PCDHA8: variants seen among roughly 807,000 people sequenced by gnomAD.
The protein encoded by PCDHA8 is protocadherin alpha-8.
PCDHA8 carries 53 observed loss-of-function variants against 61.8 expected under a neutral mutation model. The ratio of observed to expected loss-of-function variants is 0.86; its 90% CI spans 0.69 to 1.08. The LOEUF (loss-of-function observed/expected upper bound fraction) is 1.08. Ranked by LOEUF, PCDHA8 falls within the 50% of genes least tolerant of loss-of-function variation. The pLI is 0.00. For synonymous variants in PCDHA8, 618 were observed against 556.6 expected, an observed-to-expected ratio of 1.11 and a Z score of -1.55; for missense variants, 1,293 against 1,245.0, an observed-to-expected ratio of 1.04 and a Z score of -0.58.
chr5:140,990,555 G>C (rs1176257375), intron 3 of PCDHA8, among the ~76,000 whole-genome samples: 1 of 152,130 alleles, frequency 6.6e-6, no homozygotes, highest in African/African-American at 2.4e-5. Context: ...TATTACCCAA[G>C]AACACACACC....
chr5:140,882,852 T>C, intron 1 of PCDHA8: 2 of 1,614,216 alleles, frequency 1.2e-6, no homozygotes, highest in Non-Finnish European at 1.7e-6. Flanking sequence ...TTATCACTTG[T>C]ACTGAGGAAA....
chr5:140,842,755 T>G lies in PCDHA8; in HGVS notation c.1434T>G (p.Ser478=). 1.3e-6 allele frequency: 2 copies of G among 1,594,888 alleles called. No individual in the cohort carries two copies. Among genetic ancestry groups the G allele is most frequent in the South Asian group, 2.2e-5 (2 of 90,474 alleles). The change falls in exon 1 of 4, where the codon TCT becomes TCG. Residue 478 remains serine (S), a synonymous_variant. Coordinates refer to ENST00000531613, the MANE Select transcript of PCDHA8 (RefSeq NM_018911.3). ...NPPGCHIFTV[S]ARDADAQENA... ...CGGGCTGCCACATCTTCACGGTGTCTGCGCGAGACGCGGACGCGCAGGAGA... is the reference window on the plus strand; with the variant it reads ...CGGGCTGCCACATCTTCACGGTGTCGGCGCGAGACGCGGACGCGCAGGAGA...
intron 1 of PCDHA8, among the ~76,000 whole-genome samples, chr5:140,965,867 C>T (rs1267904737): frequency 1.3e-5 from 2 of 152,164 alleles, no homozygotes; most frequent in Non-Finnish European, 2.9e-5. Context: ...AAAATAAGGG[C>T]CACTTGGCCG....
intron 1 of PCDHA8, among the ~76,000 whole-genome samples, chr5:140,950,992 G>A (rs2094539287): frequency 6.6e-6 from 1 of 151,384 alleles, no homozygotes; most frequent in Admixed American, 6.6e-5. Flanking sequence ...GCCTCTTTTA[G>A]CTCCATTTTT....
intron 1 of PCDHA8, among the ~76,000 whole-genome samples, chr5:140,946,305 T>C (rs1484740423): frequency 6.6e-6 from 1 of 151,868 alleles, no homozygotes; most frequent in East Asian, 1.9e-4. Flanking sequence ...CCTGGTAGAA[T>C]GGCTATTATT....
At chr5:141,007,395 C>CAAAAAAAAAAAAAAAAA (rs35800918) in intron 3 of PCDHA8, among the ~76,000 whole-genome samples, 5 of 94,868 alleles carry the variant, frequency 5.3e-5, no homozygotes, top group Non-Finnish European at 8.3e-5. Context: ...TACTAAAATA[C>CAAAAAAAAAAAAAAAAA]AAAAAAAAAA....
At position 140,934,119 on chromosome 5, in the gene PCDHA8, C is replaced by A. The variant is rs1339301991; in HGVS notation, c.2395-44830C>A. Among the ~76,000 whole-genome samples, 6 of 152,170 alleles carry A rather than the reference C, an allele frequency of 3.9e-5. No individual in the cohort carries two copies. In the East Asian group the frequency reaches 1.2e-3, roughly 29 times the overall value. ...GCTTTCTATTTTATTAATTTTCATA[C>A]TTTATTAATTTATTTCCTTCCTTAT... On this transcript the variant is annotated intron_variant, in intron 1 of 3. Transcript: ENST00000531613.
intron 1 of PCDHA8, among the ~76,000 whole-genome samples, chr5:140,963,229 G>A (rs1211084766): frequency 2.6e-5 from 4 of 152,134 alleles, no homozygotes; most frequent in African/African-American, 7.2e-5. Context: ...AGTAGACACT[G>A]TTTGATGGAT....
chr5:140,981,625 C>T (rs1554243036), intron 2 of PCDHA8, among the ~76,000 whole-genome samples: 2 of 152,096 alleles, frequency 1.3e-5, no homozygotes, highest in Non-Finnish European at 2.9e-5. Context: ...TGAGGGTTTT[C>T]TTGGACATTT....
intron 1 of PCDHA8, among the ~76,000 whole-genome samples, chr5:140,891,837 G>T (rs563744812): frequency 2.9e-4 from 44 of 152,264 alleles, no homozygotes; most frequent in Admixed American, 1.9e-3. Flanking sequence ...AAAAGGACTT[G>T]ATGGAAGGAG....
rs1276562311 is a variant in PCDHA8, at chr5:140,851,314, C to T, written c.2394+7599C>T. ...AGCAAAAATATATAGCAATTGTTAC[C>T]TTGTTAAGTTTGTAGTTCTCTACAT... On this transcript the variant is annotated intron_variant, in intron 1 of 3. Transcript: ENST00000531613. The T allele has an allele frequency of 2.6e-5, 26 of 997,988 alleles. 4 individuals carry two copies. Among genetic ancestry groups the T allele is most frequent in the Non-Finnish European group, 2.6e-5 (21 of 813,766 alleles). The allele number at this position is 997,988 out of a possible 1,614,324, so 61.8% of individuals were successfully genotyped here.
In PCDHA8 at chr5:140,964,167, C is replaced by T. The variant is rs370784169; in HGVS notation, c.2395-14782C>T. Reference sequence around the variant, plus strand: ...AGCCTCAGTATAATGGTGTGAGGAACGAAATCATTATAGTGCCAAATAGAG... The same window carrying T: ...AGCCTCAGTATAATGGTGTGAGGAATGAAATCATTATAGTGCCAAATAGAG... On this transcript the variant is annotated intron_variant, in intron 1 of 3. Coordinates refer to ENST00000531613, the MANE Select transcript of PCDHA8 (RefSeq NM_018911.3). Among the ~76,000 whole-genome samples, 16 of 152,250 alleles carry T rather than the reference C, an allele frequency of 1.1e-4. 1 individual carries two copies. The highest frequency in any genetic ancestry group is 3.4e-4 in the African/African-American group (14 of 41,544).
In PCDHA8 at chr5:140,857,002, T is replaced by G. The variant is rs1215860604; in HGVS notation, c.2394+13287T>G. On this transcript the variant is annotated intron_variant, in intron 1 of 3. Transcript: ENST00000531613. ...AGGACAGTAACACTTATGAAATTCATGTAGATGTTACAGATAAGGGAAACC... is the reference window on the plus strand; with the variant it reads ...AGGACAGTAACACTTATGAAATTCAGGTAGATGTTACAGATAAGGGAAACC... 4 of 1,595,276 alleles carry G rather than the reference T, an allele frequency of 2.5e-6. No individual in the cohort carries two copies. In the African/African-American group the frequency reaches 5.4e-5, roughly 22 times the overall value.
chr5:140,869,309 A>T, intron 1 of PCDHA8: 1 of 1,613,682 alleles, frequency 6.2e-7, no homozygotes, highest in Non-Finnish European at 8.5e-7. Context: ...GTGGCGTCCA[A>T]AACACATGGG....
Position 141,009,839 on chromosome 5 carries a change from A to G in PCDHA8, c.2755A>G (p.Lys919Glu), listed in dbSNP as rs2098414795. 6.2e-7 allele frequency: 1 copy of G among 1,614,164 alleles called. No individual in the cohort carries two copies. Residue 919 changes from lysine (K) to glutamate (E), a missense_variant, in exon 4 of 4, where the codon AAG becomes GAG. Coordinates refer to ENST00000531613, the MANE Select transcript of PCDHA8 (RefSeq NM_018911.3). The part of the protein sequence containing the change: ...DKSDFITFGK[K>E]EETKKKKKKK... ...AAGTGACTTCATAACCTTCGGCAAA[A>G]AGGAGGAGACCAAGAAAAAGAAGAA...
At chr5:140,862,330 T>A in intron 1 of PCDHA8, 1 of 326,684 alleles carries the variant, frequency 3.1e-6, no homozygotes, top group Non-Finnish European at 6.0e-6. Flanking sequence ...TCAGTGTAAT[T>A]GACCCTAACT....
At chr5:140,889,479 T>C (rs1399086830) in intron 1 of PCDHA8, among the ~76,000 whole-genome samples, 1 of 152,184 alleles carries the variant, frequency 6.6e-6, no homozygotes, top group Admixed American at 6.5e-5. Context: ...GCTCATACTT[T>C]CTACAGAATC....
intron 1 of PCDHA8, among the ~76,000 whole-genome samples, chr5:140,900,805 G>C (rs1554189444): frequency 6.6e-6 from 1 of 152,118 alleles, no homozygotes; most frequent in Non-Finnish European, 1.5e-5. Context: ...CATAGTGCTT[G>C]TACTAATTTA....
At chr5:140,891,431 A>G (rs912407002) in intron 1 of PCDHA8, among the ~76,000 whole-genome samples, 1 of 143,446 alleles carries the variant, frequency 7.0e-6, no homozygotes, top group Non-Finnish European at 1.5e-5. Context: ...CAAGTCCCCA[A>G]CGTCCATTGT....
Sources: gnomAD v4.1 joint callset for allele counts (sites outside exome capture counted in the v4.1 genomes callset) on GRCh38, gnomAD v4.1.1 for gene constraint, MANE v1.5 for transcripts, NCBI Gene and HGNC (gene_info 2026-07-23, HGNC 2026-07-21) for gene names.